PHIP: variants seen among roughly 807,000 people sequenced by gnomAD.
PHIP encodes the protein PH-interacting protein.
A neutral mutation model predicts 236.8 loss-of-function variants in PHIP; 54 were observed. That is an observed-to-expected ratio of 0.23 (90% CI 0.18 to 0.29). The LOEUF (loss-of-function observed/expected upper bound fraction) is 0.29, where lower values mean the gene tolerates loss of function less well. Ranked by LOEUF, PHIP falls within the 10% of genes least tolerant of loss-of-function variation. The probability of loss-of-function intolerance (pLI) is 1.00; values close to 1 mark genes in which losing one functional copy is unlikely to be tolerated. For missense variants in PHIP, 1,370 were observed against 2,190.8 expected, an observed-to-expected ratio of 0.63 and a Z score of 7.48; for synonymous variants, 756 against 718.9, an observed-to-expected ratio of 1.05 and a Z score of -0.83.
chr6:79,024,774 C>T (rs1771306167), intron 9 of PHIP, among the ~76,000 whole-genome samples: 1 of 152,056 alleles, frequency 6.6e-6, no homozygotes. Flanking sequence ...CACTGCAATC[C>T]AGCCTGGGCG....
At chr6:78,963,298 G>A in intron 29 of PHIP, 46 bp from the exon 30 acceptor site, 1 of 1,475,662 alleles carries the variant, frequency 6.8e-7, no homozygotes, top group Non-Finnish European at 9.2e-7. Flanking sequence ...TAACTTATTA[G>A]TATTCAGGTT....
intron 4 of PHIP, among the ~76,000 whole-genome samples, chr6:79,065,764 CCACACACACACACACA>C (rs58570604): frequency 1.2e-4 from 17 of 143,468 alleles, no homozygotes; most frequent in African/African-American, 3.8e-4. Context: ...CTTAACTATA[CCACACACACACACACA>C]CACACACACA....
rs567647262 is a variant in PHIP at position 79,043,438 on chromosome 6, C to T, written c.440-435G>A. Among the ~76,000 whole-genome samples the T allele has an allele frequency of 4.6e-5, 7 of 152,148 alleles. No homozygotes were observed. The East Asian group carries it at 5.8e-4, about 13-fold the overall frequency. On this transcript the variant is annotated intron_variant, in intron 6 of 39. Coordinates refer to ENST00000275034, the MANE Select transcript of PHIP (RefSeq NM_017934.7). ...CATAAATCAGTAACACTTGAACACT[C>T]GAAATCTGACATGCAGAATGATATT...
At chr6:78,976,216 C>T (rs1284546217) in intron 24 of PHIP, among the ~76,000 whole-genome samples, 22 of 148,344 alleles carry the variant, frequency 1.5e-4, no homozygotes, top group Middle Eastern at 7.0e-3. Flanking sequence ...TCAGAAATAA[C>T]GCCGCATATC....
chr6:78,944,459 A>G (rs918559572), intron 39 of PHIP, among the ~76,000 whole-genome samples: 3 of 152,204 alleles, frequency 2.0e-5, no homozygotes, highest in African/African-American at 7.2e-5. Context: ...AAATAGTCCA[A>G]GCAAGAAATT....
At chr6:79,057,101 T>C (rs1773114257) in intron 6 of PHIP, among the ~76,000 whole-genome samples, 1 of 152,196 alleles carries the variant, frequency 6.6e-6, no homozygotes, top group East Asian at 1.9e-4. Context: ...AAAAATTACA[T>C]TTTAGGTATT....
At chr6:79,047,034 A>C (rs1235161755) in intron 6 of PHIP, among the ~76,000 whole-genome samples, 1 of 152,180 alleles carries the variant, frequency 6.6e-6, no homozygotes, top group South Asian at 2.1e-4. Flanking sequence ...TATTCACTTA[A>C]TTTTCTGAAT....
rs1582143139 is a variant in PHIP, at chr6:78,973,938, C to T, written c.2890-3050G>A. The stretch of plus-strand genomic sequence containing the variant: ...ACACATTAATAATGGGAGACTTTAA[C>T]ACCCCACTGTCAACATTAGACAGAT... On this transcript the variant is annotated intron_variant, in intron 24 of 39. Transcript: ENST00000275034. 2.0e-5 allele frequency among the ~76,000 whole-genome samples: 3 copies of T among 151,920 alleles called. No homozygotes were observed. In the South Asian group the frequency reaches 6.2e-4, roughly 32 times the overall value.
intron 24 of PHIP, among the ~76,000 whole-genome samples, chr6:78,972,140 T>G (rs1374496649): frequency 1.3e-5 from 2 of 152,126 alleles, no homozygotes; most frequent in African/African-American, 4.8e-5. Flanking sequence ...CTGACAGCTT[T>G]GAAGAGAGCA....
At chr6:79,060,978 G>A (rs932524637) in intron 4 of PHIP, among the ~76,000 whole-genome samples, 160 bp from the exon 5 acceptor site, 24 of 152,104 alleles carry the variant, frequency 1.6e-4, no homozygotes, top group African/African-American at 5.5e-4. Context: ...AGAACTGATA[G>A]TTTGTTATTA....
At chr6:78,947,261 T>C (rs915382114) in intron 36 of PHIP, among the ~76,000 whole-genome samples, 2 of 152,198 alleles carry the variant, frequency 1.3e-5, no homozygotes, top group Non-Finnish European at 2.9e-5. Flanking sequence ...TGTGATGTCA[T>C]GTCTGGTCAG....
rs1008944744 is a variant in PHIP at position 79,072,854 on chromosome 6, C to T, written c.189+4594G>A. On this transcript the variant is annotated intron_variant, in intron 4 of 39. Coordinates refer to ENST00000275034, the MANE Select transcript of PHIP (RefSeq NM_017934.7). ...TGTGCCTGGAATAAAAATGTAAATG[C>T]TTTTCTTAAAGAAAACTTTATTATA... 9.2e-5 allele frequency among the ~76,000 whole-genome samples: 14 copies of T among 152,202 alleles called. No individual in the cohort carries two copies. The East Asian group carries it at 2.5e-3, about 27-fold the overall frequency.
At chr6:79,069,847 C>A (rs1004845419) in intron 4 of PHIP, among the ~76,000 whole-genome samples, 5 of 151,696 alleles carry the variant, frequency 3.3e-5, no homozygotes, top group African/African-American at 1.2e-4. Context: ...TGTGAATAAA[C>A]AAGCTTCAAA....
At chr6:79,001,579 T>C (rs1356833030) in intron 17 of PHIP, among the ~76,000 whole-genome samples, 1 of 152,092 alleles carries the variant, frequency 6.6e-6, no homozygotes, top group Non-Finnish European at 1.5e-5. Flanking sequence ...GCTTAGCAGG[T>C]GTCAGAGACA....
At chr6:79,017,297 C>A in intron 12 of PHIP, 49 bp downstream of exon 12, 1 of 1,119,434 alleles carries the variant, frequency 8.9e-7, no homozygotes, top group Non-Finnish European at 1.3e-6. Flanking sequence ...CTAAAATTGT[C>A]TTTATTTCAT....
Position 79,008,915 on chromosome 6 carries a change from C to T in PHIP, c.1525-5057G>A, listed in dbSNP as rs546962530. Among the ~76,000 whole-genome samples the T allele has an allele frequency of 3.2e-3, 492 of 152,194 alleles. 2 individuals carry two copies. The highest frequency in any genetic ancestry group is 0.011 in the African/African-American group (462 of 41,530). On this transcript the variant is annotated intron_variant, in intron 15 of 39. Coordinates refer to ENST00000275034, the MANE Select transcript of PHIP (RefSeq NM_017934.7). ...TCACCCGGGCTTAACACTCTATAAA[C>T]CCATTTATTAAATCTTTCCTCCCTG... is the stretch of plus-strand genomic sequence containing the variant.
intron 7 of PHIP, among the ~76,000 whole-genome samples, chr6:79,027,670 G>A (rs555738164): frequency 6.6e-6 from 1 of 152,234 alleles, no homozygotes; most frequent in East Asian, 1.9e-4. Context: ...ACACTTATAT[G>A]TCCTAAGTGT....
chr6:78,954,025 A>T (rs1193855299), intron 35 of PHIP, among the ~76,000 whole-genome samples: 1 of 152,238 alleles, frequency 6.6e-6, no homozygotes, highest in Non-Finnish European at 1.5e-5. Flanking sequence ...TTCCATAAAG[A>T]TTACACATTG....
rs142493554 is a variant in PHIP, at chr6:78,982,470, A to C, written c.2769+416T>G. On this transcript the variant is annotated intron_variant, in intron 23 of 39. Transcript: ENST00000275034. The stretch of plus-strand genomic sequence containing the variant: ...AACTGTAACAAGTTGTGTCATTTCT[A>C]CTCTGTGTGATGTTCCTCACAGACT... Among the ~76,000 whole-genome samples, 422 of 152,008 alleles carry C rather than the reference A, an allele frequency of 2.8e-3. 4 individuals carry two copies. Among genetic ancestry groups the C allele is most frequent in the Non-Finnish European group, 4.5e-3 (303 of 67,908 alleles).
Sources: gnomAD v4.1 joint callset for allele counts (sites outside exome capture counted in the v4.1 genomes callset) on GRCh38, gnomAD v4.1.1 for gene constraint, MANE v1.5 for transcripts, NCBI Gene and HGNC (gene_info 2026-07-23, HGNC 2026-07-21) for gene names.